SLC39A11: variants seen among roughly 807,000 people sequenced by gnomAD.
SLC39A11 encodes the protein zinc transporter ZIP11.
A neutral mutation model predicts 36.1 loss-of-function variants in SLC39A11; 33 were observed. That is an observed-to-expected ratio of 0.91 (90% CI 0.69 to 1.22). The LOEUF (loss-of-function observed/expected upper bound fraction) is 1.22. Ranked by LOEUF, SLC39A11 falls within the 50% of genes most tolerant of loss-of-function variation. The probability of loss-of-function intolerance (pLI) is 0.00; values close to 1 mark genes in which losing one functional copy is unlikely to be tolerated. For missense variants in SLC39A11, 432 were observed against 430.3 expected, an observed-to-expected ratio of 1.00 and a Z score of -0.03; for synonymous variants, 166 against 170.3, an observed-to-expected ratio of 0.97 and a Z score of 0.20.
Position 72,820,683 on chromosome 17 carries a change from A to T in SLC39A11, c.601+28951T>A, listed in dbSNP as rs140574881. Among the ~76,000 whole-genome samples, 39 of 151,352 alleles carry T rather than the reference A, an allele frequency of 2.6e-4. No homozygotes were observed. In the East Asian group the frequency reaches 3.3e-3, roughly 13 times the overall value. On this transcript the variant is annotated intron_variant, in intron 6 of 9. Transcript: ENST00000255559. ...CTGGGGACACAAGGAAAGGCAAACG[A>T]TGGACGCTATGCAGGCATGGGGTGA...
chr17:72,677,332 A>G (rs1179732392), intron 7 of SLC39A11, among the ~76,000 whole-genome samples: 1 of 152,212 alleles, frequency 6.6e-6, no homozygotes, highest in Non-Finnish European at 1.5e-5. Context: ...ACAGGAGGCC[A>G]TGGCCAACAC....
intron 5 of SLC39A11, among the ~76,000 whole-genome samples, chr17:72,882,173 C>T (rs767671405): frequency 3.9e-5 from 6 of 151,968 alleles, no homozygotes; most frequent in Non-Finnish European, 7.4e-5. Context: ...GCCAACATGT[C>T]GAAACCTCAT....
At chr17:72,729,597 C>A (rs2074134246) in intron 7 of SLC39A11, among the ~76,000 whole-genome samples, 1 of 148,446 alleles carries the variant, frequency 6.7e-6, no homozygotes, top group Non-Finnish European at 1.5e-5. Context: ...TGCAACCAGC[C>A]AATCCAATCC....
chr17:73,059,727 T>C (rs6501598), intron 3 of SLC39A11, among the ~76,000 whole-genome samples: 61,719 of 150,882 alleles, frequency 0.41, 13,069 homozygotes, highest in Non-Finnish European at 0.47. Flanking sequence ...ATGTTTTTGT[T>C]AAGTGAAGCT....
chr17:72,737,215 G>A (rs190498461), intron 6 of SLC39A11, among the ~76,000 whole-genome samples: 28 of 152,110 alleles, frequency 1.8e-4, no homozygotes, highest in Middle Eastern at 3.4e-3. Flanking sequence ...GGCGGAGGCT[G>A]CAGGGAGCCA....
At chr17:73,028,410 A>G (rs2058631048) in intron 4 of SLC39A11, among the ~76,000 whole-genome samples, 3 of 152,112 alleles carry the variant, frequency 2.0e-5, no homozygotes, top group South Asian at 4.1e-4. Flanking sequence ...TAATAGTGAA[A>G]CCAAAGGAAA....
intron 4 of SLC39A11, among the ~76,000 whole-genome samples, chr17:72,974,577 G>A (rs1224658638): frequency 6.6e-6 from 1 of 152,158 alleles, no homozygotes; most frequent in East Asian, 1.9e-4. Context: ...TTACAAAAGA[G>A]TCAAAACGTT....
At chr17:73,079,205 C>A (rs1463884390) in intron 3 of SLC39A11, among the ~76,000 whole-genome samples, 1 of 152,154 alleles carries the variant, frequency 6.6e-6, no homozygotes, top group Non-Finnish European at 1.5e-5. Flanking sequence ...TCAAGCAATT[C>A]TCCTGCCTCG....
chr17:72,911,263 T>C (rs1358634116), intron 5 of SLC39A11, among the ~76,000 whole-genome samples: 1 of 151,936 alleles, frequency 6.6e-6, no homozygotes, highest in Non-Finnish European at 1.5e-5. Flanking sequence ...CCGGGGCCTG[T>C]TGTGGGGTGG....
rs558184089 is a variant in SLC39A11 at position 72,833,254 on chromosome 17, G to A, written c.601+16380C>T. The stretch of plus-strand genomic sequence containing the variant: ...ACACAGGAATGAAATCACTTGTAGC[G>A]ATTATTAATAACCGTCCTCTTTTGA... On this transcript the variant is annotated intron_variant, in intron 6 of 9. Transcript: ENST00000255559. Among the ~76,000 whole-genome samples, 8 of 102,266 alleles carry A rather than the reference G, an allele frequency of 7.8e-5. No individual in the cohort carries two copies. The East Asian group carries it at 8.4e-4, about 11-fold the overall frequency. The allele number at this position is 102,266 out of a possible 152,430, so 67.1% of individuals were successfully genotyped here. A position where few individuals can be genotyped will look rare whatever the true frequency, so the allele number is the denominator to read the frequency against.
intron 5 of SLC39A11, among the ~76,000 whole-genome samples, chr17:72,895,487 G>T (rs546340162): frequency 2.0e-5 from 3 of 152,092 alleles, no homozygotes; most frequent in Non-Finnish European, 2.9e-5. Context: ...GCTGAGGCGG[G>T]AGAATTGCTT....
intron 4 of SLC39A11, among the ~76,000 whole-genome samples, chr17:72,974,743 C>T (rs2087722203): frequency 6.6e-6 from 1 of 152,184 alleles, no homozygotes; most frequent in Non-Finnish European, 1.5e-5. Flanking sequence ...ATTCACTCAC[C>T]ACTCACTCAC....
intron 4 of SLC39A11, among the ~76,000 whole-genome samples, chr17:72,959,325 G>GTGTATATA (rs1436484912): frequency 1.2e-3 from 76 of 65,518 alleles, no homozygotes; most frequent in African/African-American, 1.7e-3. Flanking sequence ...GTGTGTGTGT[G>GTGTATATA]TATATATATA....
chr17:72,700,398 CAGG>C (rs2072552930), intron 7 of SLC39A11, among the ~76,000 whole-genome samples: 1 of 152,148 alleles, frequency 6.6e-6, no homozygotes. Context: ...CCTAAAATGC[CAGG>C]AGGACATTTA....
At chr17:72,928,822 T>C (rs936723952) in intron 5 of SLC39A11, among the ~76,000 whole-genome samples, 6 of 152,272 alleles carry the variant, frequency 3.9e-5, no homozygotes, top group Non-Finnish European at 7.4e-5. Flanking sequence ...CCAAGGATCT[T>C]TGGACCCTGA....
At chr17:72,984,202 A>C (rs2088542570) in intron 4 of SLC39A11, among the ~76,000 whole-genome samples, 1 of 152,104 alleles carries the variant, frequency 6.6e-6, no homozygotes, top group African/African-American at 2.4e-5. Context: ...TTCTTCCCCC[A>C]TGAAGCAGAA....
Position 73,063,045 on chromosome 17 carries a change from TG to T in SLC39A11, c.147+21762del, listed in dbSNP as rs370822053. Among the ~76,000 whole-genome samples, 147 of 152,292 alleles carry T rather than the reference TG, an allele frequency of 9.7e-4. 5 individuals are homozygous for T. In the South Asian group the frequency reaches 0.027, roughly 28 times the overall value. On this transcript the variant is annotated intron_variant, in intron 3 of 9. Transcript: ENST00000255559. ...TAAGTCTTGGGGGCCTGCTGGGGGT[TG>T]GGGGCCCCTGCTTGAGGAGACATCC... is the stretch of plus-strand genomic sequence containing the variant.
chr17:72,706,105 G>A (rs183212316), intron 7 of SLC39A11, among the ~76,000 whole-genome samples: 65 of 152,284 alleles, frequency 4.3e-4, no homozygotes, highest in Admixed American at 2.8e-3. Context: ...TGCTGGAACC[G>A]GCAAACAGCT....
chr17:72,834,244 T>A (rs889045496), intron 6 of SLC39A11, among the ~76,000 whole-genome samples: 1 of 152,180 alleles, frequency 6.6e-6, no homozygotes, highest in Admixed American at 6.5e-5. Flanking sequence ...GAGCTAAAGT[T>A]TGCATTTTAT....
Sources: allele counts gnomAD v4.1 joint callset (sites outside exome capture counted in the v4.1 genomes callset), GRCh38; gene constraint gnomAD v4.1.1; transcripts MANE v1.5; gene names NCBI Gene and HGNC (gene_info 2026-07-23, HGNC 2026-07-21).